The following MAP2K3 variants were observed in gnomAD, a reference collection of about 807,000 sequenced individuals.
MAP2K3 encodes dual specificity mitogen-activated protein kinase kinase 3.
MAP2K3 carries 30 observed loss-of-function variants against 46.4 expected under a neutral mutation model. That is an observed-to-expected ratio of 0.65 (90% CI 0.48 to 0.88). MAP2K3 has a LOEUF of 0.88. MAP2K3 is among the 40% of genes least tolerant of loss of function. The pLI, the probability that MAP2K3 is intolerant of heterozygous loss-of-function variation, is 0.00. For synonymous variants in MAP2K3, 189 were observed against 176.3 expected, an observed-to-expected ratio of 1.07 and a Z score of -0.57; for missense variants, 380 against 464.5, an observed-to-expected ratio of 0.82 and a Z score of 1.67.
In MAP2K3 at chr17:21,314,422, C is replaced by G. The variant is rs1251685483; in HGVS notation, c.*192C>G. 1 of 592,862 alleles carries G rather than the reference C, an allele frequency of 1.7e-6. No homozygotes were observed. The highest frequency in any genetic ancestry group is 3.0e-6 in the Non-Finnish European group (1 of 331,656). 36.7% of individuals were successfully genotyped at this position (592,862 alleles called of 1,614,324 possible). On this transcript the variant is annotated 3_prime_UTR_variant, in exon 12 of 12. Transcript: ENST00000342679. The stretch of plus-strand genomic sequence containing the variant: ...GCCAAAGAAGCAGACCATTGGGGCT[C>G]CCAGCCAGGCCCTTGTCGGCCCCAC...
intron 9 of MAP2K3, chr17:21,311,751 T>G (rs1977173738): frequency 5.7e-6 from 1 of 174,192 alleles, no homozygotes; most frequent in African/African-American, 2.4e-5. Flanking sequence ...GGATTGGCTG[T>G]GACCACCTGG....
chr17:21,286,354 C>T (rs1444249542), intron 1 of MAP2K3, among the ~76,000 whole-genome samples: 2 of 152,252 alleles, frequency 1.3e-5, no homozygotes, highest in African/African-American at 4.8e-5. Context: ...GTCAGCCGCT[C>T]TTCTGTTCTG....
intron 1 of MAP2K3, chr17:21,288,079 G>C: frequency 7.8e-7 from 1 of 1,289,288 alleles, no homozygotes; most frequent in South Asian, 1.2e-5. Context: ...CGGGGCAGCG[G>C]AGGCTTCCGG....
chr17:21,285,549 C>T (rs1975700257), intron 1 of MAP2K3, among the ~76,000 whole-genome samples: 1 of 152,102 alleles, frequency 6.6e-6, no homozygotes, highest in Admixed American at 6.6e-5. Context: ...TCTTCTTATC[C>T]TTATAGGCCC....
chr17:21,290,944 T>TA (rs67636276), intron 1 of MAP2K3, among the ~76,000 whole-genome samples: 306 of 152,346 alleles, frequency 2.0e-3, no homozygotes, highest in African/African-American at 6.5e-3. Context: ...CCTGTCTGTT[T>TA]AAAAAAAATA....
intron 3 of MAP2K3, among the ~76,000 whole-genome samples, chr17:21,300,067 T>A (rs1026629607): frequency 6.6e-6 from 1 of 152,312 alleles, no homozygotes; most frequent in East Asian, 1.9e-4. Flanking sequence ...CCATCTGCTG[T>A]CCTGTTCATC....
At chr17:21,309,882 G>C (rs1289445456) in intron 9 of MAP2K3, among the ~76,000 whole-genome samples, 1 of 152,044 alleles carries the variant, frequency 6.6e-6, no homozygotes, top group Non-Finnish European at 1.5e-5. Context: ...GGGATTACAG[G>C]TGTGAGCCAC....
At chr17:21,299,923 A>G (rs993765687) in intron 3 of MAP2K3, among the ~76,000 whole-genome samples, 1 of 152,304 alleles carries the variant, frequency 6.6e-6, no homozygotes, top group African/African-American at 2.4e-5. Context: ...TGGAGGTTGC[A>G]GTGAGCCAAG....
rs555847635 is a variant in MAP2K3 at position 21,284,931 on chromosome 17, C to G, written c.11C>G (p.Pro4Arg). 65 of 1,612,100 alleles carry G rather than the reference C, an allele frequency of 4.0e-5. No individual in the cohort carries two copies. The South Asian group carries it at 7.0e-4, about 17-fold the overall frequency. ...GGACCCACTTGCAGCATGGAGTCGCCCGCCTCGAGCCAGCCCGCCAGCATG... is the reference window on the plus strand; with the variant it reads ...GGACCCACTTGCAGCATGGAGTCGCGCGCCTCGAGCCAGCCCGCCAGCATG... MESPASSQPASMPQ... is the reference protein window; with the variant it reads MESRASSQPASMPQ... The change falls in exon 1 of 12, where the codon CCC (proline) becomes CGC (arginine). Residue 4 changes from proline (P) to arginine (R), a missense_variant. This residue lies in a region of MAP2K3 where 294 missense variants were observed against 275.4 expected (regional missense o/e 1.07). Transcript: ENST00000342679.
intron 1 of MAP2K3, chr17:21,291,333 C>CAATACAAT (rs1975919460): frequency 3.1e-5 from 2 of 64,040 alleles, no homozygotes; most frequent in African/African-American, 3.2e-4. Flanking sequence ...CAATAGAATA[C>CAATACAAT]AGTACAATAC....
intron 1 of MAP2K3, among the ~76,000 whole-genome samples, chr17:21,296,472 C>T (rs979734207): frequency 3.5e-4 from 54 of 152,390 alleles, no homozygotes; most frequent in Non-Finnish European, 5.4e-4. Context: ...TTGTTGAGCA[C>T]GAGACTTGGG....
chr17:21,299,681 C>CA (rs68190120), intron 3 of MAP2K3, among the ~76,000 whole-genome samples: 1,439 of 133,002 alleles, frequency 0.011, 4 homozygotes, highest in African/African-American at 0.031. Context: ...GACCCCGTTT[C>CA]AAAAAAAAAA....
At chr17:21,304,263 C>T (rs944665901) in intron 7 of MAP2K3, among the ~76,000 whole-genome samples, 163 bp from the exon 8 acceptor site, 4 of 152,310 alleles carry the variant, frequency 2.6e-5, no homozygotes, top group African/African-American at 9.6e-5. Flanking sequence ...GCCTCAGTTC[C>T]CTGGTCTGAC....
chr17:21,301,018 G>C, intron 5 of MAP2K3, 25 bp downstream of exon 5: 2 of 1,613,882 alleles, frequency 1.2e-6, no homozygotes, highest in South Asian at 1.1e-5. Flanking sequence ...GATGCAGCTG[G>C]GGATCTCCAC....
chr17:21,294,237 G>A (rs1167587521), intron 1 of MAP2K3, among the ~76,000 whole-genome samples: 3 of 81,934 alleles, frequency 3.7e-5, no homozygotes, highest in Non-Finnish European at 8.2e-5. Flanking sequence ...CAGCCCTTGT[G>A]GCTCCTTCCC....
rs896535658 is a variant in MAP2K3 at position 21,315,006 on chromosome 17, C to G, written c.*776C>G. On this transcript the variant is annotated 3_prime_UTR_variant, in exon 12 of 12. Transcript: ENST00000342679. The stretch of plus-strand genomic sequence containing the variant: ...CCTTGCCCTCTGCTCAGGCTGGGGT[C>G]CAGTGGGAGGGGCCCAAGATCTCTG... 6.6e-6 allele frequency: 1 copy of G among 152,634 alleles called. No individual in the cohort carries two copies. The highest frequency in any genetic ancestry group is 1.5e-5 in the Non-Finnish European group (1 of 68,106). The allele number at this position is 152,634 out of a possible 1,614,324, so 9.5% of individuals were successfully genotyped here.
At chr17:21,294,259 G>C (rs1976113851) in intron 1 of MAP2K3, among the ~76,000 whole-genome samples, 1 of 151,444 alleles carries the variant, frequency 6.6e-6, no homozygotes, top group Non-Finnish European at 1.5e-5. Flanking sequence ...GGCAGGCCCA[G>C]AACTTCTGCA....
rs1976552809 is a variant in MAP2K3 at position 21,300,807 on chromosome 17, C to T, written c.280-67C>T. The T allele has an allele frequency of 1.7e-5, 27 of 1,612,752 alleles. No homozygotes were observed. In the South Asian group the frequency reaches 2.0e-4, roughly 12 times the overall value. ...GCAGTGGCCCCCTGAGCTCCTGGCC[C>T]TCCTGTCATGAGTGTGGGTGTTGGC... On this transcript the variant is annotated intron_variant, in intron 4 of 11. Coordinates refer to ENST00000342679, the MANE Select transcript of MAP2K3 (RefSeq NM_145109.3).
intron 1 of MAP2K3, 118 bp from the exon 2 acceptor site, chr17:21,298,295 G>A (rs537553965): frequency 6.3e-4 from 904 of 1,445,268 alleles, no homozygotes; most frequent in Admixed American, 5.9e-3. Flanking sequence ...GGGGGCTCCC[G>A]GCATGGGTGA....
Sources: allele counts gnomAD v4.1 joint callset (sites outside exome capture counted in the v4.1 genomes callset), GRCh38; gene constraint gnomAD v4.1.1; regional missense constraint gnomAD v4.1.1; transcripts MANE v1.5; gene names NCBI Gene and HGNC (gene_info 2026-07-23, HGNC 2026-07-21).